PRUNE2: variants seen among roughly 807,000 people sequenced by gnomAD.
PRUNE2 encodes the protein protein prune homolog 2.
PRUNE2 carries 164 observed loss-of-function variants against 252.0 expected under a neutral mutation model. The ratio of observed to expected loss-of-function variants is 0.65; its 90% CI spans 0.57 to 0.74. The LOEUF is 0.74. Among genes scored for constraint, PRUNE2 ranks in the 30% least tolerant of loss-of-function variants. PRUNE2 has a pLI of 0.00. For synonymous variants in PRUNE2, 1,292 were observed against 1,350.2 expected, an observed-to-expected ratio of 0.96 and a Z score of 0.94; for missense variants, 3,495 against 3,711.0, an observed-to-expected ratio of 0.94 and a Z score of 1.51.
In PRUNE2 at chr9:76,711,223, C is replaced by G; in HGVS notation, c.1051G>C (p.Glu351Gln). 6.2e-7 allele frequency: 1 copy of G among 1,613,922 alleles called. No homozygotes were observed. Among genetic ancestry groups the G allele is most frequent in the Non-Finnish European group, 8.5e-7 (1 of 1,179,860 alleles). ...TCDQVVLVVK[E>Q]VINRRCPEMV... ...TCTGGACACCTCCTGTTGATGACTT[C>G]CTTGACAACGAGAACCACCTGATCA... Residue 351 changes from glutamate (E) to glutamine (Q), a missense_variant, in exon 8 of 19, where the codon GAA (glutamate) becomes CAA (glutamine). Physicochemically the swap from Glu to Gln is conservative, Grantham distance 29 (BLOSUM62 2). Coordinates refer to ENST00000376718, the MANE Select transcript of PRUNE2 (RefSeq NM_015225.3).
intron 9 of PRUNE2, among the ~76,000 whole-genome samples, chr9:76,694,273 C>T (rs1427720705): frequency 6.6e-6 from 1 of 150,816 alleles, no homozygotes; most frequent in African/African-American, 2.4e-5. Context: ...ACCTCTGCCT[C>T]CCAAGTTCAA....
At chr9:76,850,289 C>T (rs921694013) in intron 3 of PRUNE2, among the ~76,000 whole-genome samples, 174 bp downstream of exon 3, 8 of 152,060 alleles carry the variant, frequency 5.3e-5, no homozygotes, top group South Asian at 2.1e-4. Flanking sequence ...TCAAGTGATC[C>T]GCCCACCTTG....
intron 9 of PRUNE2, among the ~76,000 whole-genome samples, chr9:76,679,746 G>A (rs1000200409): frequency 3.9e-5 from 6 of 152,160 alleles, no homozygotes; most frequent in Admixed American, 2.6e-4. Context: ...TCTTTGATAA[G>A]GTTGCTGAGA....
chr9:76,784,922 T>G (rs1350641304), intron 6 of PRUNE2: 1 of 152,248 alleles, frequency 6.6e-6, no homozygotes, highest in Non-Finnish European at 1.5e-5. Flanking sequence ...TAACTTTTTT[T>G]TTTAACCTGG....
chr9:76,637,121 T>G (rs1436590761), intron 14 of PRUNE2, among the ~76,000 whole-genome samples: 1 of 152,178 alleles, frequency 6.6e-6, no homozygotes, highest in Non-Finnish European at 1.5e-5. Flanking sequence ...CTTGTATGAT[T>G]CAAACGTCAT....
intron 1 of PRUNE2, among the ~76,000 whole-genome samples, chr9:76,880,499 A>G (rs2061713069): frequency 6.6e-6 from 1 of 152,202 alleles, no homozygotes; most frequent in Admixed American, 6.5e-5. Context: ...TAATCTATCA[A>G]ATTATGCTAG....
At chr9:76,767,375 C>G (rs952507692) in intron 6 of PRUNE2, among the ~76,000 whole-genome samples, 1 of 151,662 alleles carries the variant, frequency 6.6e-6, no homozygotes, top group African/African-American at 2.4e-5. Flanking sequence ...AGCTTGAACT[C>G]GGGAGGCAGA....
At position 76,865,309 on chromosome 9, in the gene PRUNE2, A is replaced by G. The variant is rs528515545; in HGVS notation, c.37-11101T>C. Among the ~76,000 whole-genome samples, 53 of 152,362 alleles carry G rather than the reference A, an allele frequency of 3.5e-4. No individual in the cohort carries two copies. The South Asian group carries it at 0.01, about 29-fold the overall frequency. Reference sequence around the variant, plus strand: ...GGAGTTCGAGACCAGCCTGGGCAACATAGTGAGACCCTGCCGCTACAAAAG... The same window carrying G: ...GGAGTTCGAGACCAGCCTGGGCAACGTAGTGAGACCCTGCCGCTACAAAAG... On this transcript the variant is annotated intron_variant, in intron 1 of 18. Transcript: ENST00000376718.
intron 4 of PRUNE2, among the ~76,000 whole-genome samples, chr9:76,839,978 G>A (rs912369371): frequency 2.6e-5 from 4 of 152,192 alleles, no homozygotes; most frequent in Admixed American, 6.5e-5. Context: ...AAACTAAAAG[G>A]TTCTACTGCA....
intron 9 of PRUNE2, among the ~76,000 whole-genome samples, chr9:76,699,713 A>T (rs934123014): frequency 1.3e-5 from 2 of 152,248 alleles, no homozygotes; most frequent in African/African-American, 2.4e-5. Context: ...GTAGCTAGCT[A>T]GATAGCAAGA....
chr9:76,708,632 T>C lies in PRUNE2; in HGVS notation c.3642A>G (p.Leu1214=). 1 of 1,613,936 alleles carries C rather than the reference T, an allele frequency of 6.2e-7. No individual in the cohort carries two copies. The highest frequency in any genetic ancestry group is 8.5e-7 in the Non-Finnish European group (1 of 1,179,864). ...HHTLNEKSGQ[L]IANSIWDSVM... ...CAGAATCCCAAATACTGTTTGCAAT[T>C]AGCTGCCCACTTTTCTCATTCAATG... The change falls in exon 8 of 19, where the codon CTA becomes CTG. Residue 1214 remains leucine, a synonymous_variant. Transcript: ENST00000376718.
At chr9:76,885,531 C>A (rs1539612) in intron 1 of PRUNE2, among the ~76,000 whole-genome samples, 15,741 of 152,118 alleles carry the variant, frequency 0.1, 1,070 homozygotes, top group East Asian at 0.23. Flanking sequence ...AGGAAAACAA[C>A]CATTAATGTC....
At chr9:76,636,398 T>G in intron 15 of PRUNE2, 73 bp downstream of exon 15, 2 of 813,998 alleles carry the variant, frequency 2.5e-6, no homozygotes, top group Non-Finnish European at 4.0e-6. Context: ...TGAATTCTTG[T>G]TTTTAGGACA....
intron 4 of PRUNE2, among the ~76,000 whole-genome samples, chr9:76,834,164 T>C (rs1564400228): frequency 6.6e-6 from 1 of 152,080 alleles, no homozygotes; most frequent in Non-Finnish European, 1.5e-5. Flanking sequence ...ATAACAGGTG[T>C]GAGCCACCGT....
At chr9:76,635,572 G>A (rs183224813) in intron 15 of PRUNE2, among the ~76,000 whole-genome samples, 1 of 151,958 alleles carries the variant, frequency 6.6e-6, no homozygotes, top group Non-Finnish European at 1.5e-5. Flanking sequence ...TGGGGAATAA[G>A]AATAATAAAT....
chr9:76,765,283 C>T (rs1243030784), intron 6 of PRUNE2, among the ~76,000 whole-genome samples: 3 of 152,000 alleles, frequency 2.0e-5, no homozygotes, highest in East Asian at 1.9e-4. Context: ...TGGAAGAAAA[C>T]GATGCCATAG....
At chr9:76,834,440 T>C (rs1201999716) in intron 4 of PRUNE2, among the ~76,000 whole-genome samples, 1 of 152,114 alleles carries the variant, frequency 6.6e-6, no homozygotes, top group Non-Finnish European at 1.5e-5. Flanking sequence ...CCATAAATAA[T>C]CACAATTAAA....
chr9:76,703,853 T>C lies in PRUNE2; in HGVS notation c.7760A>G (p.Gln2587Arg). 6 of 1,614,014 alleles carry C rather than the reference T, an allele frequency of 3.7e-6. No homozygotes were observed. Among genetic ancestry groups the C allele is most frequent in the Non-Finnish European group, 5.1e-6 (6 of 1,179,884 alleles). ...LYVGSKETGLQGTQLASFPDT... is the reference protein window; with the variant it reads ...LYVGSKETGLRGTQLASFPDT... ...TGGGAAGCTTGCTAACTGAGTTCCC[T>C]GCAGCCCTGTTTCTTTGGAACCTAC... The change falls in exon 9 of 19, where the codon CAG becomes CGG. Residue 2587 changes from glutamine to arginine, a missense_variant. Transcript: ENST00000376718.
intron 6 of PRUNE2, among the ~76,000 whole-genome samples, chr9:76,772,154 T>G (rs1158673647): frequency 6.6e-6 from 1 of 152,172 alleles, no homozygotes; most frequent in East Asian, 1.9e-4. Flanking sequence ...GGGCTTTTTG[T>G]GTGTTGCTCG....
Sources: gnomAD v4.1 joint callset for allele counts (sites outside exome capture counted in the v4.1 genomes callset) on GRCh38, gnomAD v4.1.1 for gene constraint, MANE v1.5 for transcripts, NCBI Gene and HGNC (gene_info 2026-07-23, HGNC 2026-07-21) for gene names.